The following SNX1 variants were observed in gnomAD, a reference collection of about 807,000 sequenced individuals.
SNX1 encodes the protein sorting nexin-1.
In SNX1, 36 loss-of-function variants were observed where a neutral mutation model predicts 71.8. That is an observed-to-expected ratio of 0.50 (90% confidence interval 0.38 to 0.66). The LOEUF (loss-of-function observed/expected upper bound fraction) is 0.66, where lower values mean the gene tolerates loss of function less well. SNX1 is among the 30% of genes least tolerant of loss of function. The pLI is 0.00. For synonymous variants in SNX1, 254 were observed against 240.7 expected, an observed-to-expected ratio of 1.06 and a Z score of -0.51; for missense variants, 612 against 646.7, an observed-to-expected ratio of 0.95 and a Z score of 0.58.
intron 1 of SNX1, among the ~76,000 whole-genome samples, chr15:64,107,258 C>T (rs2081031872): frequency 1.3e-5 from 2 of 152,226 alleles, no homozygotes; most frequent in Admixed American, 1.3e-4. Flanking sequence ...GATTTGACCT[C>T]TAAATACAGT....
chr15:64,103,451 T>C (rs2140131555), intron 1 of SNX1, among the ~76,000 whole-genome samples: 1 of 152,366 alleles, frequency 6.6e-6, no homozygotes, highest in African/African-American at 2.4e-5. Flanking sequence ...TCTACGTTCA[T>C]AAGATAAACC....
intron 5 of SNX1, among the ~76,000 whole-genome samples, chr15:64,125,562 T>A (rs1212537497): frequency 6.6e-6 from 1 of 151,932 alleles, no homozygotes; most frequent in Non-Finnish European, 1.5e-5. Context: ...GGAGGATCGC[T>A]TAAGCCCAGG....
rs985654584 is a variant in SNX1, at chr15:64,142,861, A to G, written c.*5243A>G. 2 of 323,348 alleles carry G rather than the reference A, an allele frequency of 6.2e-6. No homozygotes were observed. The highest frequency in any genetic ancestry group is 1.2e-5 in the Non-Finnish European group (2 of 162,552). 20.0% of individuals were successfully genotyped at this position (323,348 alleles called of 1,614,324 possible). On this transcript the variant is annotated 3_prime_UTR_variant, in exon 15 of 15. Transcript: ENST00000559844. ...ATACCAGCAACTGTTAACTCTTCCC[A>G]GAAGATTTTCATTCTGAATGCTCCT...
chr15:64,137,680 A>G lies in SNX1; in HGVS notation c.*62A>G. 1 of 1,609,452 alleles carries G rather than the reference A, an allele frequency of 6.2e-7. No individual in the cohort carries two copies. Among genetic ancestry groups the G allele is most frequent in the Non-Finnish European group, 8.5e-7 (1 of 1,177,312 alleles). On this transcript the variant is annotated 3_prime_UTR_variant, in exon 15 of 15. Coordinates refer to ENST00000559844, the MANE Select transcript of SNX1 (RefSeq NM_003099.5). ...GCCTTTTTATACACTGTCCTCCTCCACCTTGATGGACCCCTAGTGATGCAT... is the reference window on the plus strand; with the variant it reads ...GCCTTTTTATACACTGTCCTCCTCCGCCTTGATGGACCCCTAGTGATGCAT...
chr15:64,113,006 G>GTGT lies in SNX1; in HGVS notation c.271+323_271+325dup, dbSNP rs571124908. ...GTGAGACCAGTGACTAAAGCAGTGCGTGTAGCCTTGTGTGACCAAGACTAG... is the reference window on the plus strand; with the variant it reads ...GTGAGACCAGTGACTAAAGCAGTGCGTGTTGTAGCCTTGTGTGACCAAGACTAG... On this transcript the variant is annotated intron_variant, in intron 2 of 14. Coordinates refer to ENST00000559844, the MANE Select transcript of SNX1 (RefSeq NM_003099.5). 4.5e-3 allele frequency among the ~76,000 whole-genome samples: 689 copies of GTGT among 152,344 alleles called. 5 individuals are homozygous for GTGT. The highest frequency in any genetic ancestry group is 0.015 in the African/African-American group (641 of 41,576).
chr15:64,138,175 C>T lies in SNX1; in HGVS notation c.*557C>T, dbSNP rs976594462. 1.3e-6 allele frequency: 2 copies of T among 1,535,302 alleles called. No individual in the cohort carries two copies. Among genetic ancestry groups the T allele is most frequent in the African/African-American group, 1.4e-5 (1 of 73,018 alleles). On this transcript the variant is annotated 3_prime_UTR_variant, in exon 15 of 15. Transcript: ENST00000559844. ...TGGAAATGGGGTTTCTTTCTCTCCG[C>T]CTACCTCAGCTACCTGTTCTGAGGG... is the stretch of plus-strand genomic sequence containing the variant.
intron 4 of SNX1, among the ~76,000 whole-genome samples, chr15:64,121,160 T>C (rs2081193058): frequency 6.6e-6 from 1 of 152,242 alleles, no homozygotes; most frequent in South Asian, 2.1e-4. Context: ...ATGGCACTTA[T>C]TCTCTTAAAA....
chr15:64,096,312 T>A, intron 1 of SNX1, 140 bp downstream of exon 1: 1 of 1,034,050 alleles, frequency 9.7e-7, no homozygotes, highest in South Asian at 1.6e-5. Flanking sequence ...CCGGGGACCC[T>A]GGATGTGCTC....
chr15:64,112,121 C>A (rs543798299), intron 1 of SNX1, among the ~76,000 whole-genome samples: 1 of 152,286 alleles, frequency 6.6e-6, no homozygotes, highest in East Asian at 1.9e-4. Context: ...TCAGTAATAT[C>A]CACACAGCTG....
chr15:64,131,930 T>G, intron 11 of SNX1, 38 bp downstream of exon 11: 2 of 1,602,850 alleles, frequency 1.2e-6, no homozygotes, highest in Non-Finnish European at 1.7e-6. Context: ...TTCCCTTGAT[T>G]TGATTTGTTT....
In SNX1 at chr15:64,118,103, C is replaced by G. The variant is rs745897768; in HGVS notation, c.272-14C>G. On this transcript the variant is annotated splice_polypyrimidine_tract_variant and intron_variant, in intron 2 of 14. Transcript: ENST00000559844. ...ATTACTGACCTTCATTTTAAAATATCAACTTCATTTTAGATGCCACAGTGG... is the reference window on the plus strand; with the variant it reads ...ATTACTGACCTTCATTTTAAAATATGAACTTCATTTTAGATGCCACAGTGG... The G allele has an allele frequency of 8.7e-6, 14 of 1,609,408 alleles. No individual in the cohort carries two copies. Among genetic ancestry groups the G allele is most frequent in the Non-Finnish European group, 1.1e-5 (13 of 1,178,526 alleles).
At position 64,118,340 on chromosome 15, in the gene SNX1, T is replaced by C. The variant is rs576499194; in HGVS notation, c.399+96T>C. On this transcript the variant is annotated intron_variant, in intron 3 of 14. Transcript: ENST00000559844. ...GTTGAGTATGAACCTTGAGAAAATA[T>C]TTGTTACTCTTGAAGGAGATCTTTA... 3 of 1,311,976 alleles carry C rather than the reference T, an allele frequency of 2.3e-6. No homozygotes were observed. The Admixed American group carries it at 7.1e-5, about 31-fold the overall frequency. 81.3% of individuals were successfully genotyped at this position (1,311,976 alleles called of 1,614,324 possible). A position where few individuals can be genotyped will look rare whatever the true frequency, so the allele number is the denominator to read the frequency against.
intron 14 of SNX1, among the ~76,000 whole-genome samples, 182 bp from the exon 15 acceptor site, chr15:64,137,386 C>G (rs1295746228): frequency 1.3e-5 from 2 of 152,236 alleles, no homozygotes; most frequent in South Asian, 2.1e-4. Flanking sequence ...GGCTCAGTAA[C>G]TGCTGCCTTC....
Position 64,096,066 on chromosome 15 carries a change from TC to T in SNX1, c.57del (p.Gly20AlafsTer42). 6.3e-7 allele frequency: 1 copy of T among 1,585,086 alleles called. No individual in the cohort carries two copies. Among genetic ancestry groups the T allele is most frequent in the African/African-American group, 1.3e-5 (1 of 74,816 alleles). ...CSASERLPPP[F>X]PGLEPESEGA... ...GCTTCGGAGAGACTGCCTCCGCCCT[TC>T]CCCGGCCTGGAGCCGGAGTCCGAGG... On this transcript the variant is annotated frameshift_variant, in exon 1 of 15. Coordinates refer to ENST00000559844, the MANE Select transcript of SNX1 (RefSeq NM_003099.5). LOFTEE classifies it high-confidence loss of function.
At chr15:64,121,659 T>G (rs150327055) in intron 4 of SNX1, among the ~76,000 whole-genome samples, 2 of 152,324 alleles carry the variant, frequency 1.3e-5, no homozygotes, top group African/African-American at 4.8e-5. Flanking sequence ...GGGACACAAT[T>G]TATCCCATTA....
chr15:64,096,457 T>G (rs888556213), intron 1 of SNX1, among the ~76,000 whole-genome samples: 23 of 152,124 alleles, frequency 1.5e-4, no homozygotes, highest in Admixed American at 9.2e-4. Flanking sequence ...GTGGTGACAC[T>G]CCACGGATCC....
intron 4 of SNX1, among the ~76,000 whole-genome samples, chr15:64,120,132 A>G (rs1300520860): frequency 6.6e-6 from 1 of 152,214 alleles, no homozygotes; most frequent in African/African-American, 2.4e-5. Context: ...CCCTTATGGA[A>G]GAGGCTATAC....
chr15:64,113,417 G>A (rs978923969), intron 2 of SNX1, among the ~76,000 whole-genome samples: 5 of 152,122 alleles, frequency 3.3e-5, no homozygotes, highest in Admixed American at 1.3e-4. Flanking sequence ...TATCTAGTGG[G>A]TAGAGGCCAT....
At chr15:64,099,018 C>T (rs1256876341) in intron 1 of SNX1, among the ~76,000 whole-genome samples, 2 of 152,170 alleles carry the variant, frequency 1.3e-5, no homozygotes, top group Non-Finnish European at 1.5e-5. Context: ...GCTAGTTTAA[C>T]TGTCTTGTTA....
Sources: allele counts gnomAD v4.1 joint callset (sites outside exome capture counted in the v4.1 genomes callset), GRCh38; gene constraint gnomAD v4.1.1; transcripts MANE v1.5; gene names NCBI Gene and HGNC (gene_info 2026-07-23, HGNC 2026-07-21).